ANKS1B: variants seen among roughly 807,000 people sequenced by gnomAD.
The protein encoded by ANKS1B is ankyrin repeat and sterile alpha motif domain-containing protein 1B.
In ANKS1B, 36 loss-of-function variants were observed where a neutral mutation model predicts 148.3. The ratio of observed to expected loss-of-function variants is 0.24; its 90% CI spans 0.19 to 0.32. ANKS1B has a LOEUF of 0.32. ANKS1B is among the 10% of genes least tolerant of loss of function. ANKS1B has a pLI of 1.00. For missense variants in ANKS1B, 1,157 were observed against 1,542.6 expected (o/e 0.75, Z 4.19); for synonymous variants, 542 against 560.8 (o/e 0.97, Z 0.47).
chr12:99,232,481 C>T (rs1000693668), intron 14 of ANKS1B, among the ~76,000 whole-genome samples: 4 of 152,204 alleles, frequency 2.6e-5, no homozygotes, highest in South Asian at 2.1e-4. Flanking sequence ...GAAGCCTGAG[C>T]GCTTGATTAC....
At chr12:99,548,387 A>ACT (rs1179810110) in intron 9 of ANKS1B, among the ~76,000 whole-genome samples, 2 of 152,134 alleles carry the variant, frequency 1.3e-5, no homozygotes, top group Non-Finnish European at 2.9e-5. Flanking sequence ...ACAGTTTAGC[A>ACT]CATTAGGTGC....
chr12:98,899,691 T>C (rs2099769508), intron 17 of ANKS1B, among the ~76,000 whole-genome samples: 2 of 152,318 alleles, frequency 1.3e-5, no homozygotes, highest in South Asian at 4.1e-4. Context: ...TTCCTTGCAA[T>C]AAATCTTTTT....
At chr12:99,519,074 C>T (rs2096850234) in intron 9 of ANKS1B, among the ~76,000 whole-genome samples, 2 of 152,032 alleles carry the variant, frequency 1.3e-5, no homozygotes, top group South Asian at 2.1e-4. Context: ...TCCATTTTGG[C>T]CAGAGAAAAT....
chr12:99,667,289 C>T (rs2098513249), intron 8 of ANKS1B, among the ~76,000 whole-genome samples: 1 of 150,896 alleles, frequency 6.6e-6, no homozygotes, highest in African/African-American at 2.5e-5. Flanking sequence ...GCGGAGGTTG[C>T]AGTGAGCCGA....
At chr12:99,121,319 G>GCA (rs2062782574) in intron 15 of ANKS1B, among the ~76,000 whole-genome samples, 1 of 66,930 alleles carries the variant, frequency 1.5e-5, no homozygotes, top group Non-Finnish European at 3.6e-5. Flanking sequence ...GTGTATGTAG[G>GCA]TATGTGTGTG....
In ANKS1B at chr12:99,207,017, C is replaced by T. The variant is rs10745847; in HGVS notation, c.2419+37325G>A. ...TGGACTCTTAGAAGAATGATGGTTACGACAAGGTCTGTCTGGATTTGTAGA... is the reference window on the plus strand; with the variant it reads ...TGGACTCTTAGAAGAATGATGGTTATGACAAGGTCTGTCTGGATTTGTAGA... On this transcript the variant is annotated intron_variant, in intron 14 of 26. Transcript: ENST00000683438. Among the ~76,000 whole-genome samples the T allele has an allele frequency of 4.3e-3, 659 of 152,172 alleles. 2 individuals are homozygous for T. Among genetic ancestry groups the T allele is most frequent in the African/African-American group, 0.014 (600 of 41,536 alleles).
At chr12:99,068,721 G>GAA (rs1194999446) in intron 16 of ANKS1B, among the ~76,000 whole-genome samples, 2 of 132,670 alleles carry the variant, frequency 1.5e-5, no homozygotes, top group Admixed American at 8.0e-5. Context: ...GAGAGAGAGA[G>GAA]AGACAGAGAG....
chr12:99,542,148 T>A (rs1170882294), intron 9 of ANKS1B, among the ~76,000 whole-genome samples: 1 of 152,144 alleles, frequency 6.6e-6, no homozygotes, highest in East Asian at 1.9e-4. Context: ...TGACATGAAC[T>A]TACATATGTA....
intron 8 of ANKS1B, among the ~76,000 whole-genome samples, chr12:99,676,967 C>T (rs943706823): frequency 2.0e-5 from 3 of 152,144 alleles, no homozygotes; most frequent in Non-Finnish European, 2.9e-5. Flanking sequence ...GTAGAACACA[C>T]AGGAAGAGTT....
intron 12 of ANKS1B, among the ~76,000 whole-genome samples, chr12:99,393,520 G>T (rs540137661): frequency 6.6e-6 from 1 of 152,156 alleles, no homozygotes. Context: ...TATTATGAAC[G>T]CAGTGAATGT....
chr12:99,119,773 G>A (rs962481687), intron 15 of ANKS1B, among the ~76,000 whole-genome samples: 2 of 152,118 alleles, frequency 1.3e-5, no homozygotes, highest in Non-Finnish European at 2.9e-5. Flanking sequence ...AATTCAGCAA[G>A]TCCTCACTTA....
chr12:99,112,468 A>T (rs931800100), intron 15 of ANKS1B, among the ~76,000 whole-genome samples: 1 of 150,876 alleles, frequency 6.6e-6, no homozygotes, highest in African/African-American at 2.4e-5. Flanking sequence ...CCCACTGATC[A>T]ACATCTTGTC....
chr12:99,244,628 C>A (rs937671086), intron 13 of ANKS1B, among the ~76,000 whole-genome samples: 7 of 152,148 alleles, frequency 4.6e-5, no homozygotes, highest in African/African-American at 1.7e-4. Context: ...CTTAAACTTT[C>A]AAAATTAGTT....
At chr12:99,936,058 G>A (rs770494960) in intron 1 of ANKS1B, among the ~76,000 whole-genome samples, 25 of 152,052 alleles carry the variant, frequency 1.6e-4, no homozygotes, top group African/African-American at 3.9e-4. Flanking sequence ...CAGATTTTGC[G>A]AGACTCACTA....
chr12:99,859,564 A>G (rs1378871444), intron 1 of ANKS1B, among the ~76,000 whole-genome samples: 4 of 152,220 alleles, frequency 2.6e-5, no homozygotes, highest in Admixed American at 6.5e-5. Flanking sequence ...ATTAAACTTC[A>G]TATTTCTCAT....
At position 98,797,307 on chromosome 12, in the gene ANKS1B, G is replaced by A. The variant is rs553053216; in HGVS notation, c.3342+1627C>T. Among the ~76,000 whole-genome samples the A allele has an allele frequency of 1.4e-3, 210 of 152,246 alleles. 1 individual carries two copies. Among genetic ancestry groups the A allele is most frequent in the African/African-American group, 4.8e-3 (198 of 41,554 alleles). On this transcript the variant is annotated intron_variant, in intron 22 of 26. Transcript: ENST00000683438. ...AGTGGTTAAAAGCCTGGGCTCTGGA[G>A]TCAGACAGACCCGAATTCCAGTCTC... is the stretch of plus-strand genomic sequence containing the variant.
chr12:99,302,030 C>T (rs990351037), intron 12 of ANKS1B, among the ~76,000 whole-genome samples: 1 of 152,056 alleles, frequency 6.6e-6, no homozygotes, highest in Non-Finnish European at 1.5e-5. Context: ...AGCAGAAACA[C>T]AGAAAACAGG....
At chr12:99,520,609 C>T (rs1247310126) in intron 9 of ANKS1B, among the ~76,000 whole-genome samples, 1 of 152,066 alleles carries the variant, frequency 6.6e-6, no homozygotes, top group Non-Finnish European at 1.5e-5. Context: ...ATGTTGATAT[C>T]TTTCTCTAGA....
intron 8 of ANKS1B, among the ~76,000 whole-genome samples, chr12:99,705,784 A>T (rs1219702705): frequency 6.6e-6 from 1 of 152,134 alleles, no homozygotes; most frequent in Non-Finnish European, 1.5e-5. Flanking sequence ...GAAGGTGACC[A>T]GTCCGGATTT....
Sources: allele counts gnomAD v4.1 joint callset (sites outside exome capture counted in the v4.1 genomes callset), GRCh38; gene constraint gnomAD v4.1.1; transcripts MANE v1.5; gene names NCBI Gene and HGNC (gene_info 2026-07-23, HGNC 2026-07-21).